The following NSD1 variants were observed in gnomAD, a reference collection of about 807,000 sequenced individuals.
NSD1 encodes nuclear receptor binding SET domain protein 1.
A neutral mutation model predicts 242.7 loss-of-function variants in NSD1; 26 were observed. The ratio of observed to expected loss-of-function variants is 0.11; its 90% CI spans 0.08 to 0.15. The LOEUF is 0.15. Among genes scored for constraint, NSD1 ranks in the 10% least tolerant of loss-of-function variants. NSD1 has a pLI of 1.00. For missense variants in NSD1, 2,495 were observed against 3,272.8 expected (o/e 0.76, Z 5.80); for synonymous variants, 1,106 against 1,178.1 (o/e 0.94, Z 1.25).
chr5:177,235,814 C>A lies in NSD1; in HGVS notation c.3797-7C>A. On this transcript the variant is annotated splice_polypyrimidine_tract_variant and splice_region_variant and intron_variant, in intron 5 of 22. Coordinates refer to ENST00000439151, the MANE Select transcript of NSD1 (RefSeq NM_022455.5). ...GATTAATGTTGAATTTGTTTATCAT[C>A]TTTTAGCTGTGCGGTCAGAGAAGAA... The A allele has an allele frequency of 6.2e-7, 1 of 1,613,882 alleles. No homozygotes were observed. Among genetic ancestry groups the A allele is most frequent in the South Asian group, 1.1e-5 (1 of 91,068 alleles).
chr5:177,133,687 G>A (rs1260041570), upstream of NSD1: 1 of 148,986 alleles, frequency 6.7e-6, no homozygotes, highest in Non-Finnish European at 1.5e-5. The surrounding 1 kb of genome is among the most constrained non-coding windows in gnomAD (Gnocchi z 6.2). Context: ...GCGCGCACTC[G>A]GGGCCCAGCC....
At chr5:177,275,598 TA>T (rs1223749200) in intron 17 of NSD1, among the ~76,000 whole-genome samples, 1 of 151,704 alleles carries the variant, frequency 6.6e-6, no homozygotes, top group Non-Finnish European at 1.5e-5. Flanking sequence ...CACACCGGGC[TA>T]ATTTTTTGTA....
chr5:177,230,826 CAA>C (rs531025218), intron 5 of NSD1, among the ~76,000 whole-genome samples: 6 of 127,460 alleles, frequency 4.7e-5, no homozygotes, highest in Non-Finnish European at 5.0e-5. Context: ...GACTCCGACT[CAA>C]AAAAAAAAAA....
intron 20 of NSD1, among the ~76,000 whole-genome samples, chr5:177,284,608 G>A (rs1759156118): frequency 6.6e-6 from 1 of 152,188 alleles, no homozygotes; most frequent in South Asian, 2.1e-4. Flanking sequence ...TTTTAGCACA[G>A]TGTCTTCGGA....
chr5:177,159,046 T>TATGA (rs1758505803), intron 2 of NSD1, among the ~76,000 whole-genome samples: 1 of 145,382 alleles, frequency 6.9e-6, no homozygotes, highest in Non-Finnish European at 1.5e-5. Flanking sequence ...TATATATATA[T>TATGA]ATGAATGAAT....
At chr5:177,141,292 T>G (rs917927313) in intron 2 of NSD1, among the ~76,000 whole-genome samples, 49 of 150,036 alleles carry the variant, frequency 3.3e-4, no homozygotes, top group Middle Eastern at 3.4e-3. Context: ...AGTGCTGGGA[T>G]TACAGGCGTG....
intron 13 of NSD1, among the ~76,000 whole-genome samples, chr5:177,257,422 G>A (rs966458019): frequency 2.6e-5 from 4 of 151,682 alleles, no homozygotes; most frequent in Non-Finnish European, 2.9e-5. Context: ...TAGTAGAGAC[G>A]GGGTTTCACC....
chr5:177,180,420 A>G lies in NSD1; in HGVS notation c.928-11464A>G, dbSNP rs530220212. On this transcript the variant is annotated intron_variant, in intron 2 of 22. Transcript: ENST00000439151. ...TGCACCTGGCCTACTCACCGTTTCA[A>G]TGAATGTCATACCTTGGTATCTCGA... 1.0e-3 allele frequency among the ~76,000 whole-genome samples: 156 copies of G among 151,728 alleles called. 1 individual carries two copies. The highest frequency in any genetic ancestry group is 3.7e-3 in the African/African-American group (154 of 41,370).
chr5:177,179,665 A>T (rs1760497040), intron 2 of NSD1, among the ~76,000 whole-genome samples: 1 of 152,234 alleles, frequency 6.6e-6, no homozygotes, highest in South Asian at 2.1e-4. Flanking sequence ...AGGGGCTCTC[A>T]TGAGCACTAT....
In NSD1 at chr5:177,233,380, A is replaced by AT. The variant is rs34744560; in HGVS notation, c.3797-2430dup. 1.9e-3 allele frequency among the ~76,000 whole-genome samples: 276 copies of AT among 147,316 alleles called. 1 individual carries two copies. Among genetic ancestry groups the AT allele is most frequent in the African/African-American group, 5.9e-3 (237 of 40,180 alleles). Reference sequence around the variant, plus strand: ...TGCTGCACCCAGCCCCAAGGCATAAATTTTTTTTTTTAAAGTTTGGCTCTG... The same window carrying AT: ...TGCTGCACCCAGCCCCAAGGCATAAATTTTTTTTTTTTAAAGTTTGGCTCTG... On this transcript the variant is annotated intron_variant, in intron 5 of 22. Transcript: ENST00000439151.
chr5:177,260,958 C>T (rs1562270557), intron 14 of NSD1, among the ~76,000 whole-genome samples: 1 of 151,942 alleles, frequency 6.6e-6, no homozygotes, highest in Non-Finnish European at 1.5e-5. Flanking sequence ...AAAGAGTGAA[C>T]GTGATGGAAA....
At chr5:177,190,408 T>A (rs1329065969) in intron 2 of NSD1, among the ~76,000 whole-genome samples, 1 of 151,948 alleles carries the variant, frequency 6.6e-6, no homozygotes, top group Admixed American at 6.6e-5. Context: ...GCCTCCCGAG[T>A]AGCTGGGATT....
At chr5:177,187,030 T>C (rs1299907588) in intron 2 of NSD1, among the ~76,000 whole-genome samples, 1 of 151,394 alleles carries the variant, frequency 6.6e-6, no homozygotes, top group Non-Finnish European at 1.5e-5. Context: ...TTATTTCTAA[T>C]GCAAAAAACA....
rs141415424 is a variant in NSD1 at position 177,215,630 on chromosome 5, C to T, written c.3796+3435C>T. 8.5e-4 allele frequency among the ~76,000 whole-genome samples: 129 copies of T among 152,030 alleles called. 1 individual carries two copies. The East Asian group carries it at 0.025, about 29-fold the overall frequency. ...TCTCAAGTCACTGCAACCTCTGCCT[C>T]CTGGGCTCAAGCAATTCTTGTGCCC... On this transcript the variant is annotated intron_variant, in intron 5 of 22. Transcript: ENST00000439151.
At chr5:177,217,097 G>A (rs1763834282) in intron 5 of NSD1, among the ~76,000 whole-genome samples, 1 of 151,888 alleles carries the variant, frequency 6.6e-6, no homozygotes, top group Non-Finnish European at 1.5e-5. Context: ...TTTCCTTTGG[G>A]TAGTAGGGAT....
chr5:177,240,993 T>C (rs960232156), intron 8 of NSD1, among the ~76,000 whole-genome samples: 19 of 152,336 alleles, frequency 1.2e-4, no homozygotes, highest in Admixed American at 1.0e-3. Flanking sequence ...CACTCCACCC[T>C]GGGTGACAGA....
At chr5:177,143,301 C>A (rs1756971476) in intron 2 of NSD1, among the ~76,000 whole-genome samples, 1 of 151,832 alleles carries the variant, frequency 6.6e-6, no homozygotes, top group South Asian at 2.1e-4. Flanking sequence ...CCATTCTCAA[C>A]TTTCACTCTT....
chr5:177,149,334 T>C (rs922581645), intron 2 of NSD1, among the ~76,000 whole-genome samples: 2 of 151,992 alleles, frequency 1.3e-5, no homozygotes, highest in Admixed American at 6.6e-5. Flanking sequence ...TTCTCGTGCG[T>C]CAGCCTCTGG....
chr5:177,283,831 C>T lies in NSD1; in HGVS notation c.6054C>T (p.Phe2018=), dbSNP rs999194485. The change falls in exon 20 of 23, where the codon TTC becomes TTT. Residue 2018 remains phenylalanine, a synonymous_variant. Transcript: ENST00000439151. ...DAGPKGNYAR[F]MNHCCQPNCE... is the part of the protein sequence containing the mutation. Reference sequence around the variant, plus strand: ...GTCCCAAAGGAAACTATGCTCGGTTCATGAATCATTGCTGCCAGCCCAACT... The same window carrying T: ...GTCCCAAAGGAAACTATGCTCGGTTTATGAATCATTGCTGCCAGCCCAACT... The T allele has an allele frequency of 2.5e-6, 4 of 1,614,152 alleles. No homozygotes were observed. The highest frequency in any genetic ancestry group is 3.4e-6 in the Non-Finnish European group (4 of 1,180,004).
Sources: allele counts gnomAD v4.1 joint callset (sites outside exome capture counted in the v4.1 genomes callset), GRCh38; gene constraint gnomAD v4.1.1; non-coding constraint Gnocchi (gnomAD v3.1); transcripts MANE v1.5; gene names NCBI Gene and HGNC (gene_info 2026-07-23, HGNC 2026-07-21).